Variants in CCDC69 observed in about 807,000 individuals in gnomAD.
The protein encoded by CCDC69 is coiled-coil domain-containing protein 69.
CCDC69 carries 38 observed loss-of-function variants against 40.3 expected under a neutral mutation model. That is an observed-to-expected ratio of 0.94 (90% confidence interval 0.73 to 1.24). The LOEUF is 1.24. Among genes scored for constraint, CCDC69 ranks in the 50% most tolerant of loss-of-function variants. The pLI, the probability that CCDC69 is intolerant of heterozygous loss-of-function variation, is 0.00. For missense variants in CCDC69, 389 were observed against 357.9 expected, an observed-to-expected ratio of 1.09 and a Z score of -0.70; for synonymous variants, 141 against 138.9, an observed-to-expected ratio of 1.02 and a Z score of -0.11.
In CCDC69 at chr5:151,209,799, C is replaced by T. The variant is rs529447069; in HGVS notation, c.49-4324G>A. On this transcript the variant is annotated intron_variant, in intron 1 of 8. Transcript: ENST00000355417. ...TTTGCCATGCTGCTCAGGATGGTCT[C>T]GGACTCCTAGGCTCAAGTGATTTGC... Among the ~76,000 whole-genome samples, 4 of 152,276 alleles carry T rather than the reference C, an allele frequency of 2.6e-5. No individual in the cohort carries two copies. In the East Asian group the frequency reaches 5.8e-4, roughly 22 times the overall value.
chr5:151,199,563 T>C lies in CCDC69; in HGVS notation c.232-479A>G, dbSNP rs542192294. ...TCCCCAGGCTGAACCCTCCCAGCCA[T>C]TCTCATTGTCCCCCACTTGAGATGT... On this transcript the variant is annotated intron_variant, in intron 3 of 8. Coordinates refer to ENST00000355417, the MANE Select transcript of CCDC69 (RefSeq NM_015621.3). 1.1e-3 allele frequency among the ~76,000 whole-genome samples: 161 copies of C among 152,150 alleles called. 1 individual carries two copies. Among genetic ancestry groups the C allele is most frequent in the African/African-American group, 3.8e-3 (158 of 41,508 alleles).
Position 151,182,474 on chromosome 5 carries a change from GGAA to G in CCDC69, c.*960_*962del, listed in dbSNP as rs33953356. The stretch of plus-strand genomic sequence containing the variant: ...ACTAAGTGGGTGAGGGCCAGGGAGA[GGAA>G]GATTAAGTCACAGATCTGATTTTCC... On this transcript the variant is annotated 3_prime_UTR_variant, in exon 9 of 9. Coordinates refer to ENST00000355417, the MANE Select transcript of CCDC69 (RefSeq NM_015621.3). 0.38 allele frequency: 58,541 copies of G among 152,860 alleles called. 11,570 individuals are homozygous for G. Among genetic ancestry groups the G allele is most frequent in the African/African-American group, 0.46 (18,940 of 41,284 alleles). 9.5% of individuals were successfully genotyped at this position (152,860 alleles called of 1,614,324 possible).
At chr5:151,221,917 G>A (rs184521627) in intron 1 of CCDC69, among the ~76,000 whole-genome samples, 1 of 152,234 alleles carries the variant, frequency 6.6e-6, no homozygotes, top group Admixed American at 6.5e-5. Flanking sequence ...AATTGGGCAG[G>A]AGCACAGCCT....
rs1766651492 is a variant in CCDC69, at chr5:151,182,297, GA to G, written c.*1139del. The G allele has an allele frequency of 6.6e-6, 1 of 152,288 alleles. No homozygotes were observed. Among genetic ancestry groups the G allele is most frequent in the African/African-American group, 2.4e-5 (1 of 41,430 alleles). 9.4% of individuals were successfully genotyped at this position (152,288 alleles called of 1,614,324 possible). On this transcript the variant is annotated 3_prime_UTR_variant, in exon 9 of 9. Coordinates refer to ENST00000355417, the MANE Select transcript of CCDC69 (RefSeq NM_015621.3). Reference sequence around the variant, plus strand: ...TCCTGAGAAGGATCCGAAATCCACAGACTATCAGGACTGGACGGCCTGCTGA... The same window carrying G: ...TCCTGAGAAGGATCCGAAATCCACAGCTATCAGGACTGGACGGCCTGCTGA...
At chr5:151,207,040 T>C (rs1342416674) in intron 1 of CCDC69, among the ~76,000 whole-genome samples, 1 of 152,034 alleles carries the variant, frequency 6.6e-6, no homozygotes, top group East Asian at 1.9e-4. Flanking sequence ...ATCCTCAGCC[T>C]CCAGAGTGGC....
In CCDC69 at chr5:151,208,296, T is replaced by C. The variant is rs147915917; in HGVS notation, c.49-2821A>G. On this transcript the variant is annotated intron_variant, in intron 1 of 8. Coordinates refer to ENST00000355417, the MANE Select transcript of CCDC69 (RefSeq NM_015621.3). ...CACAAGTCAAACTATGAAGAGGCTA[T>C]GAAAATGTTCGACAAAAATTATTAA... 6.5e-4 allele frequency among the ~76,000 whole-genome samples: 99 copies of C among 152,300 alleles called. No individual in the cohort carries two copies. The East Asian group carries it at 0.018, about 28-fold the overall frequency.
intron 4 of CCDC69, among the ~76,000 whole-genome samples, chr5:151,197,390 A>T (rs1401058862): frequency 6.6e-6 from 1 of 152,160 alleles, no homozygotes; most frequent in African/African-American, 2.4e-5. Context: ...TTAGCTGGGC[A>T]TGGTGGCACG....
At chr5:151,220,795 C>G (rs1353564084) in intron 1 of CCDC69, among the ~76,000 whole-genome samples, 2 of 152,106 alleles carry the variant, frequency 1.3e-5, no homozygotes, top group Non-Finnish European at 2.9e-5. Context: ...AGTCCCCACC[C>G]CCCCTCCGCT....
At chr5:151,198,941 G>T in intron 4 of CCDC69, 56 bp downstream of exon 4, 2 of 1,356,724 alleles carry the variant, frequency 1.5e-6, no homozygotes, top group Middle Eastern at 1.8e-4. Context: ...TGGGCAGGTG[G>T]GGCCAGAAGG....
At chr5:151,193,503 G>A (rs1752651681) in intron 4 of CCDC69, among the ~76,000 whole-genome samples, 1 of 151,670 alleles carries the variant, frequency 6.6e-6, no homozygotes, top group Non-Finnish European at 1.5e-5. Flanking sequence ...GCATCAGAGT[G>A]ACATCCTGTT....
rs181385252 is a variant in CCDC69, at chr5:151,198,934, G to A, written c.319+63C>T. On this transcript the variant is annotated intron_variant, in intron 4 of 8. Coordinates refer to ENST00000355417, the MANE Select transcript of CCDC69 (RefSeq NM_015621.3). ...CAGTGGGAGTGCCCAGGTGAACTGG[G>A]CAGGTGGGGCCAGAAGGAAGCACCC... is the stretch of plus-strand genomic sequence containing the variant. 2,557 of 1,236,956 alleles carry A rather than the reference G, an allele frequency of 2.1e-3. 9 individuals carry two copies. Among genetic ancestry groups the A allele is most frequent in the Non-Finnish European group, 2.8e-3 (2,354 of 835,998 alleles). 76.6% of individuals were successfully genotyped at this position (1,236,956 alleles called of 1,614,324 possible).
At chr5:151,185,983 A>G (rs1561597548) in intron 6 of CCDC69, 40 bp downstream of exon 6, 2 of 1,406,128 alleles carry the variant, frequency 1.4e-6, no homozygotes, top group Non-Finnish European at 2.0e-6. Context: ...ACCTCCCTGG[A>G]GATTCAAGGA....
intron 1 of CCDC69, among the ~76,000 whole-genome samples, chr5:151,219,311 T>C (rs1454825095): frequency 1.3e-5 from 2 of 152,102 alleles, no homozygotes; most frequent in Admixed American, 6.5e-5. Context: ...GCCCCATAAG[T>C]GCCTAACCCC....
chr5:151,194,785 C>T (rs752490949), intron 4 of CCDC69, among the ~76,000 whole-genome samples: 2 of 149,028 alleles, frequency 1.3e-5, no homozygotes, highest in Non-Finnish European at 3.0e-5. Flanking sequence ...CCCAGTTACT[C>T]GGGAGGCTCA....
At chr5:151,206,144 G>C (rs1422644979) in intron 1 of CCDC69, among the ~76,000 whole-genome samples, 1 of 152,168 alleles carries the variant, frequency 6.6e-6, no homozygotes, top group Non-Finnish European at 1.5e-5. Flanking sequence ...TTAATTTGCT[G>C]GAGTGGCTCA....
At chr5:151,185,904 G>A in intron 6 of CCDC69, 119 bp downstream of exon 6, 2 of 722,484 alleles carry the variant, frequency 2.8e-6, no homozygotes, top group Admixed American at 2.2e-5. Context: ...AGGCCCTTGT[G>A]TAGGTAAGAG....
intron 1 of CCDC69, among the ~76,000 whole-genome samples, chr5:151,207,287 GATTATT>G (rs1344007818): frequency 4.0e-5 from 6 of 150,654 alleles, no homozygotes; most frequent in African/African-American, 7.3e-5. Flanking sequence ...ACTATTTGTA[GATTATT>G]ATTATTATTA....
At chr5:151,200,143 C>CTT (rs200177477) in intron 3 of CCDC69, among the ~76,000 whole-genome samples, 1 of 145,622 alleles carries the variant, frequency 6.9e-6, no homozygotes. Flanking sequence ...ACTACGGAGA[C>CTT]TTTTTTTTTT....
rs1766633415 is a variant in CCDC69 at position 151,181,767 on chromosome 5, T to C, written c.*1670A>G. ...ACTCCTGGACATTAGTTCAATAAACTAGTGTATCGCAGATGTGCTTTGCAA... is the reference window on the plus strand; with the variant it reads ...ACTCCTGGACATTAGTTCAATAAACCAGTGTATCGCAGATGTGCTTTGCAA... On this transcript the variant is annotated 3_prime_UTR_variant, in exon 9 of 9. Coordinates refer to ENST00000355417, the MANE Select transcript of CCDC69 (RefSeq NM_015621.3). 6.6e-6 allele frequency: 1 copy of C among 152,388 alleles called. No individual in the cohort carries two copies. The highest frequency in any genetic ancestry group is 2.4e-5 in the African/African-American group (1 of 41,594). 9.4% of individuals were successfully genotyped at this position (152,388 alleles called of 1,614,324 possible).
Sources: allele counts gnomAD v4.1 joint callset (sites outside exome capture counted in the v4.1 genomes callset), GRCh38; gene constraint gnomAD v4.1.1; transcripts MANE v1.5; gene names NCBI Gene and HGNC (gene_info 2026-07-23, HGNC 2026-07-21).